STXBP5L: variants seen among roughly 807,000 people sequenced by gnomAD.
STXBP5L encodes the protein syntaxin-binding protein 5-like.
Under a neutral mutation model 144.5 loss-of-function variants are expected in STXBP5L, and 65 were observed. The ratio of observed to expected loss-of-function variants is 0.45; its 90% CI spans 0.37 to 0.55. STXBP5L has a LOEUF of 0.55. Ranked by LOEUF, STXBP5L falls within the 20% of genes least tolerant of loss-of-function variation. The probability of loss-of-function intolerance (pLI) is 0.00; values close to 1 mark genes in which losing one functional copy is unlikely to be tolerated. For missense variants in STXBP5L, 1,298 were observed against 1,405.5 expected, an observed-to-expected ratio of 0.92 and a Z score of 1.22; for synonymous variants, 505 against 469.6, an observed-to-expected ratio of 1.08 and a Z score of -0.97.
intron 22 of STXBP5L, among the ~76,000 whole-genome samples, chr3:121,394,883 C>T (rs2046689855): frequency 6.6e-6 from 1 of 151,918 alleles, no homozygotes; most frequent in African/African-American, 2.4e-5. Flanking sequence ...GGATTACAGG[C>T]TGTTGAGGGT....
chr3:121,017,262 A>C (rs898357231), intron 3 of STXBP5L, among the ~76,000 whole-genome samples: 1 of 152,178 alleles, frequency 6.6e-6, no homozygotes, highest in Admixed American at 6.6e-5. Flanking sequence ...AAAAACCCTC[A>C]ACAAACTAGG....
chr3:121,238,935 G>A lies in STXBP5L; in HGVS notation c.1185-36G>A, dbSNP rs116705142. The A allele has an allele frequency of 3.0e-3, 4,466 of 1,474,494 alleles. 115 individuals carry two copies. In the African/African-American group the frequency reaches 0.056, roughly 18 times the overall value. The allele number at this position is 1,474,494 out of a possible 1,614,324, so 91.3% of individuals were successfully genotyped here. A position where few individuals can be genotyped will look rare whatever the true frequency, so the allele number is the denominator to read the frequency against. ...AAAATTATTTTCTGTTTTTTTCTTT[G>A]TAAAATAACACTGATATATTGTCTT... On this transcript the variant is annotated intron_variant, in intron 12 of 26. Transcript: ENST00000471454.
At chr3:121,003,602 G>A (rs992988602) in intron 3 of STXBP5L, among the ~76,000 whole-genome samples, 2 of 152,242 alleles carry the variant, frequency 1.3e-5, no homozygotes, top group Middle Eastern at 3.4e-3. Flanking sequence ...ATTGCTTTTG[G>A]TGTTTTAGAC....
intron 3 of STXBP5L, among the ~76,000 whole-genome samples, chr3:120,962,257 C>G (rs1240654100): frequency 1.3e-5 from 2 of 152,156 alleles, no homozygotes; most frequent in Admixed American, 1.3e-4. Context: ...GTTTCTTTTG[C>G]TGTGTAGAAG....
At position 121,287,656 on chromosome 3, in the gene STXBP5L, C is replaced by A. The variant is rs182289117; in HGVS notation, c.2110+7700C>A. 4.3e-4 allele frequency among the ~76,000 whole-genome samples: 65 copies of A among 152,094 alleles called. No individual in the cohort carries two copies. The East Asian group carries it at 0.013, about 29-fold the overall frequency. The stretch of plus-strand genomic sequence containing the variant: ...CCAGCCTGACCAACATGGTGAAACC[C>A]CGTCTCCACTAAAAATACAAAAATT... On this transcript the variant is annotated intron_variant, in intron 19 of 26. Coordinates refer to ENST00000471454, the MANE Select transcript of STXBP5L (RefSeq NM_001308330.2).
At chr3:121,099,990 T>C (rs1168873941) in intron 5 of STXBP5L, among the ~76,000 whole-genome samples, 1 of 152,076 alleles carries the variant, frequency 6.6e-6, no homozygotes, top group African/African-American at 2.4e-5. Context: ...AACAACCGTA[T>C]AAAAGGATAA....
chr3:121,403,264 G>A (rs1560060807), intron 22 of STXBP5L, among the ~76,000 whole-genome samples: 1 of 152,122 alleles, frequency 6.6e-6, no homozygotes, highest in Admixed American at 6.6e-5. Context: ...AGGGAATCAA[G>A]GTTGGAAGCA....
At chr3:121,052,100 AC>A (rs1423646326) in intron 5 of STXBP5L, among the ~76,000 whole-genome samples, 3 of 152,216 alleles carry the variant, frequency 2.0e-5, no homozygotes, top group Non-Finnish European at 4.4e-5. Flanking sequence ...TAGCTTACCA[AC>A]CAAAAACAGT....
chr3:121,181,160 A>AG (rs1216041368), intron 9 of STXBP5L, among the ~76,000 whole-genome samples: 1 of 90,064 alleles, frequency 1.1e-5, no homozygotes, highest in Non-Finnish European at 2.2e-5. Flanking sequence ...AAAAGAGGGG[A>AG]GGGGGAGGGG....
chr3:120,925,153 GCA>G (rs1439885564), intron 2 of STXBP5L: 1 of 152,268 alleles, frequency 6.6e-6, no homozygotes, highest in Admixed American at 6.5e-5. Context: ...TACAAGGAAT[GCA>G]CACCGTTGCC....
intron 20 of STXBP5L, among the ~76,000 whole-genome samples, chr3:121,329,843 C>G (rs538901174): frequency 7.2e-5 from 11 of 152,212 alleles, no homozygotes; most frequent in African/African-American, 2.6e-4. Flanking sequence ...CTGGGTGACA[C>G]AGCAAGACCC....
intron 2 of STXBP5L, among the ~76,000 whole-genome samples, chr3:120,927,541 G>A (rs1032047074): frequency 7.2e-5 from 11 of 152,218 alleles, no homozygotes; most frequent in Non-Finnish European, 1.2e-4. Context: ...GGGGGAAGCT[G>A]GTTGTCTACC....
chr3:120,990,213 T>C (rs1942703444), intron 3 of STXBP5L, among the ~76,000 whole-genome samples: 2 of 152,068 alleles, frequency 1.3e-5, no homozygotes, highest in African/African-American at 4.8e-5. Flanking sequence ...TCACAATTGC[T>C]TCAAAGAGAA....
At chr3:121,283,141 C>G (rs1297251947) in intron 19 of STXBP5L, among the ~76,000 whole-genome samples, 3 of 151,786 alleles carry the variant, frequency 2.0e-5, no homozygotes, top group Non-Finnish European at 4.4e-5. Context: ...TACAAAATGG[C>G]CTTATAGTTG....
intron 8 of STXBP5L, 41 bp from the exon 9 acceptor site, chr3:121,157,463 C>CT: frequency 6.5e-7 from 1 of 1,532,976 alleles, no homozygotes; most frequent in Non-Finnish European, 8.7e-7. Flanking sequence ...AACCTATCTA[C>CT]TTTTTTCCCC....
chr3:121,318,590 C>A (rs755233622), intron 20 of STXBP5L, 50 bp downstream of exon 20: 25 of 1,221,098 alleles, frequency 2.0e-5, no homozygotes, highest in Non-Finnish European at 2.8e-5. Flanking sequence ...CTGCAGTAAT[C>A]TGTTGCTTTA....
intron 8 of STXBP5L, among the ~76,000 whole-genome samples, 198 bp downstream of exon 8, chr3:121,152,758 G>A (rs1481729456): frequency 6.6e-6 from 1 of 152,078 alleles, no homozygotes; most frequent in East Asian, 1.9e-4. Flanking sequence ...TGCCTTGACT[G>A]CCTATTTCGG....
intron 9 of STXBP5L, among the ~76,000 whole-genome samples, chr3:121,202,713 A>G (rs1302259988): frequency 6.6e-6 from 1 of 152,038 alleles, no homozygotes; most frequent in Non-Finnish European, 1.5e-5. Context: ...TACTATTTTA[A>G]ATATGTCATA....
rs900458256 is a variant in STXBP5L at position 121,057,716 on chromosome 3, A to G, written c.470+12181A>G. On this transcript the variant is annotated intron_variant, in intron 5 of 26. Transcript: ENST00000471454. The stretch of plus-strand genomic sequence containing the variant: ...TGGATATTCTGCAATTTGATTAACC[A>G]TTCTATTTTAGTTCTCTTTCTTAAA... 3.9e-5 allele frequency among the ~76,000 whole-genome samples: 6 copies of G among 152,080 alleles called. No individual in the cohort carries two copies. The East Asian group carries it at 7.7e-4, about 20-fold the overall frequency.
Sources: allele counts gnomAD v4.1 joint callset (sites outside exome capture counted in the v4.1 genomes callset), GRCh38; gene constraint gnomAD v4.1.1; transcripts MANE v1.5; gene names NCBI Gene and HGNC (gene_info 2026-07-23, HGNC 2026-07-21).